IQGAP2: variants seen among roughly 807,000 people sequenced by gnomAD.
The protein encoded by IQGAP2 is IQ motif containing GTPase activating protein 2, also known as ras GTPase-activating-like protein IQGAP2.
A neutral mutation model predicts 201.3 loss-of-function variants in IQGAP2; 173 were observed. That is an observed-to-expected ratio of 0.86 (90% CI 0.76 to 0.98). The LOEUF (loss-of-function observed/expected upper bound fraction) is 0.98, where lower values mean the gene tolerates loss of function less well. Ranked by LOEUF, IQGAP2 falls within the 50% of genes least tolerant of loss-of-function variation. IQGAP2 has a pLI of 0.00. For missense variants in IQGAP2, 1,687 were observed against 1,864.8 expected (o/e 0.90, Z 1.76); for synonymous variants, 675 against 673.9 (o/e 1.00, Z -0.03).
chr5:76,451,155 T>C (rs1421751221), intron 1 of IQGAP2, among the ~76,000 whole-genome samples: 7 of 152,312 alleles, frequency 4.6e-5, no homozygotes, highest in South Asian at 2.1e-4. Flanking sequence ...AATTGGCATA[T>C]TGGGGTGACT....
chr5:76,686,294 ATG>A (rs1745732853), intron 30 of IQGAP2, among the ~76,000 whole-genome samples: 1 of 134,778 alleles, frequency 7.4e-6, no homozygotes, highest in African/African-American at 2.9e-5. Context: ...TTCCGCACAA[ATG>A]TTTTTTTTTT....
intron 2 of IQGAP2, among the ~76,000 whole-genome samples, chr5:76,501,129 G>A (rs1037653747): frequency 6.6e-6 from 1 of 151,390 alleles, no homozygotes; most frequent in Non-Finnish European, 1.5e-5. Context: ...AACACAGTCC[G>A]AAACTACATA....
At chr5:76,572,213 A>ATTT (rs907882473) in intron 4 of IQGAP2, among the ~76,000 whole-genome samples, 5 of 132,816 alleles carry the variant, frequency 3.8e-5, no homozygotes, top group East Asian at 2.2e-4. Context: ...ATGTACAGCT[A>ATTT]TTTTTTTTTT....
At chr5:76,584,274 G>A (rs1359807281) in intron 5 of IQGAP2, among the ~76,000 whole-genome samples, 1 of 152,150 alleles carries the variant, frequency 6.6e-6, no homozygotes, top group South Asian at 2.1e-4. Flanking sequence ...AGATCATTGA[G>A]CACAGCTGTC....
intron 13 of IQGAP2, chr5:76,618,153 G>T (rs765324788): frequency 3.1e-6 from 5 of 1,614,052 alleles, no homozygotes; most frequent in Non-Finnish European, 4.2e-6. Context: ...GCTGATGCAG[G>T]CAAGGAGCAG....
At chr5:76,583,841 G>A (rs1746049175) in intron 5 of IQGAP2, among the ~76,000 whole-genome samples, 1 of 151,886 alleles carries the variant, frequency 6.6e-6, no homozygotes, top group Non-Finnish European at 1.5e-5. Flanking sequence ...GGTAGCCTAA[G>A]TACCTTAATT....
At chr5:76,683,004 A>G (rs1243574634) in intron 28 of IQGAP2, 111 bp from the exon 29 acceptor site, 1 of 579,290 alleles carries the variant, frequency 1.7e-6, no homozygotes, top group Non-Finnish European at 3.0e-6. Flanking sequence ...TGTCATACTC[A>G]TATTTAAGAT....
intron 1 of IQGAP2, among the ~76,000 whole-genome samples, chr5:76,419,965 T>C (rs1037805232): frequency 6.6e-6 from 1 of 152,228 alleles, no homozygotes; most frequent in African/African-American, 2.4e-5. Context: ...TTTATAGCCA[T>C]GTTTTAGGAC....
intron 2 of IQGAP2, among the ~76,000 whole-genome samples, chr5:76,496,704 CTTT>C (rs1471917101): frequency 0.018 from 374 of 20,708 alleles, 1 homozygote; most frequent in Non-Finnish European, 0.036. Context: ...CTTTCTGTCT[CTTT>C]CTTTCTTTCT....
At chr5:76,570,431 C>T (rs780977294) in intron 3 of IQGAP2, 149 bp from the exon 4 acceptor site, 51 of 630,126 alleles carry the variant, frequency 8.1e-5, no homozygotes, top group Middle Eastern at 4.4e-4. Context: ...TCCTTTAGCA[C>T]GCCTCTGTTT....
chr5:76,622,392 G>A (rs1580644274), intron 13 of IQGAP2, among the ~76,000 whole-genome samples: 1 of 152,334 alleles, frequency 6.6e-6, no homozygotes, highest in Admixed American at 6.5e-5. Context: ...GTGAATTTAA[G>A]CAATGTTCCT....
At chr5:76,554,952 C>T (rs1371041524) in intron 2 of IQGAP2, among the ~76,000 whole-genome samples, 2 of 152,060 alleles carry the variant, frequency 1.3e-5, no homozygotes, top group Admixed American at 6.6e-5. Context: ...TGTGATATAT[C>T]CATACAATGA....
chr5:76,465,338 C>T (rs1164473714), intron 2 of IQGAP2, among the ~76,000 whole-genome samples: 1 of 152,164 alleles, frequency 6.6e-6, no homozygotes, highest in African/African-American at 2.4e-5. Flanking sequence ...GCAGGAGAAG[C>T]ATTTGGTAAA....
At chr5:76,520,908 CA>C (rs1257524331) in intron 2 of IQGAP2, among the ~76,000 whole-genome samples, 1 of 151,930 alleles carries the variant, frequency 6.6e-6, no homozygotes, top group Non-Finnish European at 1.5e-5. Flanking sequence ...GAGGTTTCAC[CA>C]TGCTGGCCAG....
At chr5:76,547,420 G>C in intron 2 of IQGAP2, 3 of 979,982 alleles carry the variant, frequency 3.1e-6, no homozygotes, top group Non-Finnish European at 3.6e-6. Context: ...GAAGAGGGAA[G>C]TCAAGTGTAG....
At position 76,583,505 on chromosome 5, in the gene IQGAP2, T is replaced by C. The variant is rs545106209; in HGVS notation, c.459-5401T>C. On this transcript the variant is annotated intron_variant, in intron 5 of 35. Coordinates refer to ENST00000274364, the MANE Select transcript of IQGAP2 (RefSeq NM_006633.5). ...AACAGAAACTATACAATATTTTTTT[T>C]AATTTTTTAGTAAATGAGATTTTTT... is the stretch of plus-strand genomic sequence containing the variant. Among the ~76,000 whole-genome samples, 7 of 152,324 alleles carry C rather than the reference T, an allele frequency of 4.6e-5. No individual in the cohort carries two copies. In the East Asian group the frequency reaches 1.2e-3, roughly 25 times the overall value.
chr5:76,682,506 G>A (rs1251172325), intron 28 of IQGAP2, among the ~76,000 whole-genome samples: 2 of 150,616 alleles, frequency 1.3e-5, no homozygotes, highest in African/African-American at 2.4e-5. Context: ...GGTTTCCCCC[G>A]AGTGCTGCTA....
chr5:76,640,851 A>G, intron 16 of IQGAP2, 82 bp from the exon 17 acceptor site: 1 of 1,055,138 alleles, frequency 9.5e-7, no homozygotes, highest in Non-Finnish European at 1.3e-6. Flanking sequence ...TTATTTTCTA[A>G]AAGATAAAAT....
chr5:76,410,241 A>G (rs1244505081), intron 1 of IQGAP2, among the ~76,000 whole-genome samples: 2 of 152,150 alleles, frequency 1.3e-5, no homozygotes, highest in Admixed American at 1.3e-4. Flanking sequence ...TGAATTTGAA[A>G]TGACCTTGAG....
Sources: allele counts gnomAD v4.1 joint callset (sites outside exome capture counted in the v4.1 genomes callset), GRCh38; gene constraint gnomAD v4.1.1; transcripts MANE v1.5; gene names NCBI Gene and HGNC (gene_info 2026-07-23, HGNC 2026-07-21).